The following GLIS3 variants were observed in gnomAD, a reference collection of about 807,000 sequenced individuals.
GLIS3 encodes the protein GLIS family zinc finger 3, also known as zinc finger protein GLIS3.
A neutral mutation model predicts 78.6 loss-of-function variants in GLIS3; 53 were observed. That is an observed-to-expected ratio of 0.67 (90% CI 0.54 to 0.85). GLIS3 has a LOEUF of 0.85. Among genes scored for constraint, GLIS3 ranks in the 40% least tolerant of loss-of-function variants. The pLI is 0.00. For missense variants in GLIS3, 1,703 were observed against 1,231.1 expected, an observed-to-expected ratio of 1.38 and a Z score of -5.74; for synonymous variants, 684 against 509.9, an observed-to-expected ratio of 1.34 and a Z score of -4.60.
At chr9:4,476,099 A>G in the GLIS3 span, among the ~76,000 whole-genome samples, 1 of 152,164 alleles carries the variant, frequency 6.6e-6, no homozygotes, top group African/African-American at 2.4e-5. Context: ...GTTTTAAATA[A>G]TTTAAAAATT....
At chr9:3,882,540 G>A (rs369221015) in intron 7 of GLIS3, among the ~76,000 whole-genome samples, 1 of 152,104 alleles carries the variant, frequency 6.6e-6, no homozygotes, top group African/African-American at 2.4e-5. Context: ...TGCTAGGTGG[G>A]GCACACGAGG....
At chr9:4,171,793 A>G (rs1398545095) in intron 2 of GLIS3, among the ~76,000 whole-genome samples, 2 of 152,190 alleles carry the variant, frequency 1.3e-5, no homozygotes, top group African/African-American at 4.8e-5. Flanking sequence ...GTAATTTGGA[A>G]CTACAGTACC....
chr9:4,088,358 A>G (rs1449581533), intron 4 of GLIS3, among the ~76,000 whole-genome samples: 1 of 152,240 alleles, frequency 6.6e-6, no homozygotes, highest in Non-Finnish European at 1.5e-5. Flanking sequence ...TATTTGGTGA[A>G]TCCAATAATT....
At chr9:4,357,975 G>A in the GLIS3 span, among the ~76,000 whole-genome samples, 1 of 152,090 alleles carries the variant, frequency 6.6e-6, no homozygotes, top group Non-Finnish European at 1.5e-5. Flanking sequence ...TACATTATAG[G>A]ATATTATGGA....
intron 6 of GLIS3, among the ~76,000 whole-genome samples, chr9:3,921,221 C>T (rs1455558426): frequency 6.6e-6 from 1 of 152,178 alleles, no homozygotes; most frequent in Non-Finnish European, 1.5e-5. Flanking sequence ...CAAGAAAGTG[C>T]CCTTCTCATT....
intron 4 of GLIS3, among the ~76,000 whole-genome samples, chr9:3,964,831 T>C (rs1817810308): frequency 6.6e-6 from 1 of 152,180 alleles, no homozygotes; most frequent in Non-Finnish European, 1.5e-5. Context: ...TTAAGGAAAT[T>C]ATGGTGCTCA....
chr9:4,166,089 C>T (rs1163904045), intron 2 of GLIS3, among the ~76,000 whole-genome samples: 1 of 152,196 alleles, frequency 6.6e-6, no homozygotes, highest in Non-Finnish European at 1.5e-5. Flanking sequence ...AAGCATGGAA[C>T]TTCTCTGCAC....
rs188815363 is a variant in GLIS3 at position 4,023,000 on chromosome 9, T to G, written c.1711-85811A>C. 2.6e-5 allele frequency among the ~76,000 whole-genome samples: 4 copies of G among 152,330 alleles called. No homozygotes were observed. In the East Asian group the frequency reaches 7.7e-4, roughly 29 times the overall value. On this transcript the variant is annotated intron_variant, in intron 4 of 10. Coordinates refer to ENST00000381971, the MANE Select transcript of GLIS3 (RefSeq NM_001042413.2). ...TCTGTTGTCTTGTTTATGGTGGTGA[T>G]TTCACGGAGGTACACAGCTGCAAAT...
At chr9:4,411,548 T>C in the GLIS3 span, among the ~76,000 whole-genome samples, 3 of 152,220 alleles carry the variant, frequency 2.0e-5, no homozygotes, top group African/African-American at 7.2e-5. Context: ...ACCACTAATT[T>C]TGGAGATAGT....
chr9:3,897,207 T>C lies in GLIS3; in HGVS notation c.2128+1484A>G, dbSNP rs561715536. On this transcript the variant is annotated intron_variant, in intron 7 of 10. Coordinates refer to ENST00000381971, the MANE Select transcript of GLIS3 (RefSeq NM_001042413.2). ...CAGACTAGCCCATCACTAGAAACCA[T>C]TTATATTGTATGTTAGGCCATTTTT... Among the ~76,000 whole-genome samples the C allele has an allele frequency of 7.2e-5, 11 of 152,194 alleles. No individual in the cohort carries two copies. In the South Asian group the frequency reaches 2.3e-3, roughly 32 times the overall value.
At chr9:3,928,089 G>A (rs189339523) in intron 6 of GLIS3, among the ~76,000 whole-genome samples, 8 of 152,274 alleles carry the variant, frequency 5.3e-5, no homozygotes, top group African/African-American at 1.7e-4. Flanking sequence ...ACAGAAGTTT[G>A]TGACTCGCTT....
intron 2 of GLIS3, among the ~76,000 whole-genome samples, chr9:4,168,261 T>C (rs914292454): frequency 2.0e-5 from 3 of 152,118 alleles, no homozygotes; most frequent in Admixed American, 6.5e-5. Context: ...TAAATCACTG[T>C]CTAAAGTATA....
chr9:4,013,138 G>A (rs1822166807), intron 4 of GLIS3, among the ~76,000 whole-genome samples: 1 of 152,090 alleles, frequency 6.6e-6, no homozygotes, highest in Admixed American at 6.6e-5. Context: ...AGCTGTTGGT[G>A]ATGCCTGTAA....
In GLIS3 at chr9:4,309,241, T is replaced by G. The variant is rs556620071; in HGVS notation, n.393-273A>C. ...GCCAAAGCCATTGCTGTCTACATAATAGGCACTCAATAGTCTGTTAAGTGA... is the reference window on the plus strand; with the variant it reads ...GCCAAAGCCATTGCTGTCTACATAAGAGGCACTCAATAGTCTGTTAAGTGA... On this transcript the variant is annotated intron_variant and non_coding_transcript_variant, in intron 3 of 4. Transcript: ENST00000471664. 2.5e-4 allele frequency among the ~76,000 whole-genome samples: 38 copies of G among 152,262 alleles called. 1 individual carries two copies. The South Asian group carries it at 7.9e-3, about 32-fold the overall frequency.
At chr9:3,916,190 T>A (rs992014597) in intron 6 of GLIS3, among the ~76,000 whole-genome samples, 10 of 152,204 alleles carry the variant, frequency 6.6e-5, no homozygotes, top group African/African-American at 2.4e-4. Flanking sequence ...GCACATGCCT[T>A]TGTGAAACTC....
chr9:4,141,945 T>C (rs1329248655), intron 2 of GLIS3, among the ~76,000 whole-genome samples: 1 of 152,256 alleles, frequency 6.6e-6, no homozygotes, highest in African/African-American at 2.4e-5. Context: ...AGCATTTCTG[T>C]AAACATGATT....
At chr9:4,123,685 C>G (rs983464129) in intron 3 of GLIS3, 5 of 394,034 alleles carry the variant, frequency 1.3e-5, no homozygotes, top group Admixed American at 4.4e-5. Flanking sequence ...ATGTAGATTA[C>G]TAGATCAATT....
chr9:4,419,518 G>C, the GLIS3 span, among the ~76,000 whole-genome samples: 1 of 152,132 alleles, frequency 6.6e-6, no homozygotes, highest in Non-Finnish European at 1.5e-5. Flanking sequence ...GGCCAGGTGC[G>C]GTGGCTCATG....
At chr9:4,171,943 T>A (rs571324819) in intron 2 of GLIS3, among the ~76,000 whole-genome samples, 2 of 152,206 alleles carry the variant, frequency 1.3e-5, no homozygotes, top group African/African-American at 4.8e-5. Context: ...GATATATTTT[T>A]ATTTTATTTC....
Sources: allele counts gnomAD v4.1 joint callset (sites outside exome capture counted in the v4.1 genomes callset), GRCh38; gene constraint gnomAD v4.1.1; transcripts MANE v1.5; gene names NCBI Gene and HGNC (gene_info 2026-07-23, HGNC 2026-07-21).